Variants in TEX101 observed in about 807,000 individuals in gnomAD.
The protein encoded by TEX101 is testis-expressed protein 101.
TEX101 carries 10 observed loss-of-function variants against 18.1 expected under a neutral mutation model. That is an observed-to-expected ratio of 0.55 (90% CI 0.34 to 0.94). The LOEUF (loss-of-function observed/expected upper bound fraction) is 0.94. TEX101 is among the 40% of genes least tolerant of loss of function. The pLI, the probability that TEX101 is intolerant of heterozygous loss-of-function variation, is 0.02. For synonymous variants in TEX101, 94 were observed against 114.8 expected, an observed-to-expected ratio of 0.82 and a Z score of 1.16; for missense variants, 259 against 298.9, an observed-to-expected ratio of 0.87 and a Z score of 0.98.
upstream of TEX101, among the ~76,000 whole-genome samples, chr19:43,398,226 CAT>C (rs551859967): frequency 5.6e-3 from 499 of 89,082 alleles, 7 homozygotes; most frequent in African/African-American, 0.019. Flanking sequence ...ATATGTATAA[CAT>C]ATAATATATA....
At chr19:43,406,232 T>G (rs1970361650) in exon 3 of TEX101, 2 of 477,612 alleles carry the variant, frequency 4.2e-6, no homozygotes, top group East Asian at 7.8e-5. Context: ...GGGCACTGAA[T>G]GTCAAAGTGA....
At chr19:43,392,946 T>A in the TEX101 span, among the ~76,000 whole-genome samples, 1 of 151,966 alleles carries the variant, frequency 6.6e-6, no homozygotes, top group Non-Finnish European at 1.5e-5. Context: ...TAATCCCAGT[T>A]ACTCAGGAGG....
At chr19:43,394,633 G>T in the TEX101 span, among the ~76,000 whole-genome samples, 1 of 152,176 alleles carries the variant, frequency 6.6e-6, no homozygotes, top group African/African-American at 2.4e-5. Context: ...ACCACACCCA[G>T]CCAATTTTTT....
At chr19:43,392,522 G>A in the TEX101 span, among the ~76,000 whole-genome samples, 2 of 151,912 alleles carry the variant, frequency 1.3e-5, no homozygotes, top group African/African-American at 4.8e-5. Context: ...ACCCCCACAG[G>A]GACACAGAGA....
intron 2 of TEX101, among the ~76,000 whole-genome samples, chr19:43,406,044 A>C (rs1970358037): frequency 6.8e-6 from 1 of 146,494 alleles, no homozygotes. Flanking sequence ...CAGGAGTTTG[A>C]GACCAGCCCG....
the TEX101 span, among the ~76,000 whole-genome samples, chr19:43,394,122 T>C: frequency 1.3e-5 from 2 of 151,568 alleles, no homozygotes; most frequent in Admixed American, 6.6e-5. Flanking sequence ...CAAAAGATTA[T>C]ATTTTCCATA....
At chr19:43,393,250 A>G in the TEX101 span, among the ~76,000 whole-genome samples, 72 of 152,320 alleles carry the variant, frequency 4.7e-4, no homozygotes, top group African/African-American at 1.7e-3. Context: ...ACCCAGTGTG[A>G]TGGAAAGAGA....
upstream of TEX101, among the ~76,000 whole-genome samples, chr19:43,413,503 A>C (rs541447721): frequency 3.2e-3 from 484 of 152,034 alleles, 5 homozygotes; most frequent in Middle Eastern, 6.8e-3. Context: ...CTCCAAAAAA[A>C]AAAAAAAAGG....
upstream of TEX101, among the ~76,000 whole-genome samples, chr19:43,398,365 T>A (rs1006344943): frequency 6.7e-6 from 1 of 148,886 alleles, no homozygotes; most frequent in African/African-American, 2.5e-5. Flanking sequence ...AACCTCCACC[T>A]CCTGGATTCA....
At chr19:43,396,256 G>A in the TEX101 span, among the ~76,000 whole-genome samples, 345 of 152,276 alleles carry the variant, frequency 2.3e-3, 1 homozygote, top group Non-Finnish European at 3.5e-3. Flanking sequence ...GGCCTGCCTG[G>A]GGCGGCAGGG....
upstream of TEX101, among the ~76,000 whole-genome samples, chr19:43,411,365 C>T (rs912307536): frequency 9.9e-5 from 15 of 152,216 alleles, no homozygotes; most frequent in African/African-American, 2.6e-4. Context: ...CCTGAGCCAC[C>T]GTGCCTGGCC....
At chr19:43,399,421 A>C (rs953467579), upstream of TEX101, among the ~76,000 whole-genome samples, 14 of 152,104 alleles carry the variant, frequency 9.2e-5, no homozygotes, top group African/African-American at 3.4e-4. Flanking sequence ...AATGATGATG[A>C]TCATTGCCTA....
intron 1 of TEX101, chr19:43,401,692 A>G (rs1380258245): frequency 1.3e-5 from 2 of 152,344 alleles, no homozygotes; most frequent in East Asian, 3.9e-4. Context: ...TGTCTCTACT[A>G]AAAATACAAA....
At chr19:43,398,623 C>G (rs1474580537), upstream of TEX101, among the ~76,000 whole-genome samples, 3 of 152,138 alleles carry the variant, frequency 2.0e-5, no homozygotes, top group Non-Finnish European at 2.9e-5. Flanking sequence ...TATTAAGTAT[C>G]TTTCATTCTA....
the TEX101 span, among the ~76,000 whole-genome samples, chr19:43,393,381 C>T: frequency 3.9e-5 from 6 of 152,298 alleles, no homozygotes; most frequent in East Asian, 7.8e-4. Context: ...TCCTGGCCTT[C>T]GTGACTGGGT....
intron 4 of TEX101, 108 bp from the exon 5 acceptor site, chr19:43,417,770 T>G: frequency 6.9e-7 from 1 of 1,439,808 alleles, no homozygotes; most frequent in Non-Finnish European, 9.6e-7. Context: ...GTAATGGGCC[T>G]TGATTAGAGT....
upstream of TEX101, among the ~76,000 whole-genome samples, chr19:43,399,527 A>G (rs1465896284): frequency 6.6e-6 from 1 of 152,128 alleles, no homozygotes; most frequent in African/African-American, 2.4e-5. Flanking sequence ...TCTCTAATGA[A>G]GAAAACTTCC....
chr19:43,406,642 A>G (rs1003433937), intron 3 of TEX101: 3 of 585,584 alleles, frequency 5.1e-6, no homozygotes, highest in African/African-American at 3.9e-5. Flanking sequence ...GCCTTAGCCA[A>G]GCTCACCAGG....
chr19:43,411,697 C>G (rs1391520466), upstream of TEX101, among the ~76,000 whole-genome samples: 1 of 151,836 alleles, frequency 6.6e-6, no homozygotes, highest in Non-Finnish European at 1.5e-5. Flanking sequence ...GTTGCCCAGG[C>G]TGGAGTGCAA....
Sources: allele counts gnomAD v4.1 joint callset (sites outside exome capture counted in the v4.1 genomes callset), GRCh38; gene constraint gnomAD v4.1.1; transcripts MANE v1.5; gene names NCBI Gene and HGNC (gene_info 2026-07-23, HGNC 2026-07-21).